The following DOCK2 variants were observed in gnomAD, a reference collection of about 807,000 sequenced individuals.
DOCK2 encodes dedicator of cytokinesis protein 2.
Under a neutral mutation model 248.9 loss-of-function variants are expected in DOCK2, and 87 were observed. That is an observed-to-expected ratio of 0.35 (90% CI 0.29 to 0.42). The LOEUF (loss-of-function observed/expected upper bound fraction) is 0.42, where lower values mean the gene tolerates loss of function less well. Among genes scored for constraint, DOCK2 ranks in the 10% least tolerant of loss-of-function variants. The probability of loss-of-function intolerance (pLI) is 1.00; values close to 1 mark genes in which losing one functional copy is unlikely to be tolerated. For synonymous variants in DOCK2, 805 were observed against 821.6 expected, an observed-to-expected ratio of 0.98 and a Z score of 0.35; for missense variants, 1,747 against 2,300.2, an observed-to-expected ratio of 0.76 and a Z score of 4.92.
intron 1 of DOCK2, among the ~76,000 whole-genome samples, chr5:169,641,775 C>G (rs1340860285): frequency 6.6e-6 from 1 of 152,214 alleles, no homozygotes; most frequent in Non-Finnish European, 1.5e-5. Context: ...AACTGATACT[C>G]TAATACCACA....
chr5:170,016,299 A>G (rs1755536952), intron 32 of DOCK2, among the ~76,000 whole-genome samples: 1 of 152,252 alleles, frequency 6.6e-6, no homozygotes, highest in African/African-American at 2.4e-5. Flanking sequence ...CGAATACAGC[A>G]GCAGGTGTGT....
At chr5:169,819,276 C>T (rs1768266527) in intron 26 of DOCK2, among the ~76,000 whole-genome samples, 1 of 152,184 alleles carries the variant, frequency 6.6e-6, no homozygotes. Flanking sequence ...CGCCATTGCA[C>T]TCCAGCCTGG....
chr5:169,679,885 C>T (rs1759562068), intron 6 of DOCK2, among the ~76,000 whole-genome samples: 1 of 152,176 alleles, frequency 6.6e-6, no homozygotes, highest in Non-Finnish European at 1.5e-5. Flanking sequence ...CTTCATTTGT[C>T]CTTGCTACCC....
intron 32 of DOCK2, among the ~76,000 whole-genome samples, chr5:170,010,914 G>T (rs1310421135): frequency 6.6e-6 from 1 of 152,194 alleles, no homozygotes; most frequent in Non-Finnish European, 1.5e-5. Flanking sequence ...TTTGCACACA[G>T]AAGATTTTAT....
At chr5:169,993,042 T>C (rs985618590) in intron 29 of DOCK2, among the ~76,000 whole-genome samples, 10 of 152,240 alleles carry the variant, frequency 6.6e-5, no homozygotes, top group African/African-American at 2.2e-4. Context: ...ACTGATAGCT[T>C]TGTTGGTGCT....
intron 48 of DOCK2, among the ~76,000 whole-genome samples, chr5:170,078,204 C>G (rs1355507161): frequency 6.6e-6 from 1 of 152,174 alleles, no homozygotes. Context: ...GGAAGCTCCT[C>G]CCAACCACGA....
intron 22 of DOCK2, among the ~76,000 whole-genome samples, chr5:169,723,756 C>A (rs369370471): frequency 3.3e-5 from 5 of 152,164 alleles, no homozygotes; most frequent in Non-Finnish European, 7.3e-5. Context: ...CCGAGCACTG[C>A]TGATTTCTCT....
At chr5:170,001,694 T>C (rs927939810) in intron 30 of DOCK2, among the ~76,000 whole-genome samples, 2 of 152,242 alleles carry the variant, frequency 1.3e-5, no homozygotes, top group African/African-American at 4.8e-5. Flanking sequence ...CCCAAGCACG[T>C]GCTGGCTCAG....
intron 27 of DOCK2, among the ~76,000 whole-genome samples, chr5:169,945,448 T>C (rs775151265): frequency 6.6e-6 from 1 of 152,284 alleles, no homozygotes; most frequent in Non-Finnish European, 1.5e-5. Flanking sequence ...TAACAAGTGT[T>C]ATTAATTGAG....
chr5:169,913,086 G>A (rs1483246151), intron 27 of DOCK2, among the ~76,000 whole-genome samples: 2 of 152,146 alleles, frequency 1.3e-5, no homozygotes, highest in African/African-American at 4.8e-5. Flanking sequence ...AACCATTAAA[G>A]TGTTGTCTCT....
intron 23 of DOCK2, among the ~76,000 whole-genome samples, chr5:169,754,156 G>GGAAAGCCT (rs1380884963): frequency 6.6e-6 from 1 of 152,176 alleles, no homozygotes; most frequent in African/African-American, 2.4e-5. Flanking sequence ...AGAGAGAACA[G>GGAAAGCCT]GAAAGCCTGA....
Position 169,674,201 on chromosome 5 carries a change from C to A in DOCK2, c.322-96C>A, listed in dbSNP as rs940006700. 22 of 1,492,876 alleles carry A rather than the reference C, an allele frequency of 1.5e-5. No homozygotes were observed. The Admixed American group carries it at 4.0e-4, about 27-fold the overall frequency. The allele number at this position is 1,492,876 out of a possible 1,614,324, so 92.5% of individuals were successfully genotyped here. A position where few individuals can be genotyped will look rare whatever the true frequency, so the allele number is the denominator to read the frequency against. ...GCAGGGAGAGAGCCTCAGGCCATGGCCCTTGACCACACTCACCTGACTTTG... is the reference window on the plus strand; with the variant it reads ...GCAGGGAGAGAGCCTCAGGCCATGGACCTTGACCACACTCACCTGACTTTG... On this transcript the variant is annotated intron_variant, in intron 5 of 51. Transcript: ENST00000520908.
intron 25 of DOCK2, among the ~76,000 whole-genome samples, chr5:169,791,156 C>T (rs1766315264): frequency 6.6e-6 from 1 of 152,106 alleles, no homozygotes; most frequent in South Asian, 2.1e-4. Flanking sequence ...CTAACACTTA[C>T]TAAGATCCTA....
Position 170,019,096 on chromosome 5 carries a change from G to A in DOCK2, c.3369G>A (p.Gly1123=), listed in dbSNP as rs1755633783. The A allele has an allele frequency of 6.2e-7, 1 of 1,613,906 alleles. No homozygotes were observed. ...DMMLCEYQRS[G]DFKKFENEII... is the part of the protein sequence containing the mutation. ...TGCTGTGTGAATATCAAAGAAGTGGGGATTTCAAAAAGGTAAAAAATGAGG... is the reference window on the plus strand; with the variant it reads ...TGCTGTGTGAATATCAAAGAAGTGGAGATTTCAAAAAGGTAAAAAATGAGG... Residue 1123 remains glycine, a synonymous_variant, in exon 33 of 52, where the codon GGG becomes GGA. Transcript: ENST00000520908.
At chr5:170,060,875 C>A (rs1458335878) in intron 44 of DOCK2, among the ~76,000 whole-genome samples, 1 of 151,966 alleles carries the variant, frequency 6.6e-6, no homozygotes, top group African/African-American at 2.4e-5. Flanking sequence ...ACTAAAAATA[C>A]AAAAATTAGC....
intron 27 of DOCK2, among the ~76,000 whole-genome samples, chr5:169,930,050 G>T (rs1775671391): frequency 6.6e-6 from 1 of 152,138 alleles, no homozygotes; most frequent in Non-Finnish European, 1.5e-5. Context: ...GAGTGCAGTG[G>T]CACGATCTCA....
intron 27 of DOCK2, chr5:169,882,809 C>T (rs993625984): frequency 2.0e-5 from 31 of 1,551,280 alleles, no homozygotes; most frequent in African/African-American, 9.6e-5. Context: ...GTGTCTGACT[C>T]GGTGGGGTTG....
intron 12 of DOCK2, 35 bp downstream of exon 12, chr5:169,699,493 TC>T: frequency 6.3e-7 from 1 of 1,590,884 alleles, no homozygotes; most frequent in Non-Finnish European, 8.6e-7. Flanking sequence ...CTGAGCCTGC[TC>T]CAGCTTGGGA....
At chr5:169,651,203 T>C (rs1757787184) in intron 1 of DOCK2, among the ~76,000 whole-genome samples, 1 of 152,222 alleles carries the variant, frequency 6.6e-6, no homozygotes, top group African/African-American at 2.4e-5. Context: ...CAAAGCCACT[T>C]CCTTTGTCAG....
Sources: gnomAD v4.1 joint callset for allele counts (sites outside exome capture counted in the v4.1 genomes callset) on GRCh38, gnomAD v4.1.1 for gene constraint, MANE v1.5 for transcripts, NCBI Gene and HGNC (gene_info 2026-07-23, HGNC 2026-07-21) for gene names.